Variants in CLYBL observed in about 807,000 individuals in gnomAD.
The protein encoded by CLYBL is citramalyl-CoA lyase.
Under a neutral mutation model 38.9 loss-of-function variants are expected in CLYBL, and 31 were observed. The ratio of observed to expected loss-of-function variants is 0.80; its 90% CI spans 0.60 to 1.08. The LOEUF (loss-of-function observed/expected upper bound fraction) is 1.08, where lower values mean the gene tolerates loss of function less well. CLYBL is among the 50% of genes least tolerant of loss of function. The probability of loss-of-function intolerance (pLI) is 0.00; values close to 1 mark genes in which losing one functional copy is unlikely to be tolerated. For missense variants in CLYBL, 434 were observed against 411.6 expected, an observed-to-expected ratio of 1.05 and a Z score of -0.47; for synonymous variants, 171 against 158.6, an observed-to-expected ratio of 1.08 and a Z score of -0.59.
intron 1 of CLYBL, among the ~76,000 whole-genome samples, chr13:99,711,976 A>G (rs1166429612): frequency 6.6e-6 from 1 of 152,044 alleles, no homozygotes; most frequent in Non-Finnish European, 1.5e-5. Context: ...TGGCCTCCCA[A>G]AGTGCTGGGA....
chr13:99,734,023 T>A (rs1003991238), intron 1 of CLYBL, among the ~76,000 whole-genome samples: 2 of 152,234 alleles, frequency 1.3e-5, no homozygotes, highest in Non-Finnish European at 2.9e-5. Context: ...TTAAAATCTT[T>A]TCTTGTTCCA....
At chr13:99,824,257 G>GCCACCCCCCCCCC (rs2050646417) in intron 2 of CLYBL, among the ~76,000 whole-genome samples, 1 of 130,414 alleles carries the variant, frequency 7.7e-6, no homozygotes, top group African/African-American at 2.9e-5. Flanking sequence ...CTGACTAATA[G>GCCACCCCCCCCCC]CCCCCCCCAC....
chr13:99,646,510 CTTTT>C (rs140419884), intron 1 of CLYBL, among the ~76,000 whole-genome samples: 3 of 109,236 alleles, frequency 2.7e-5, no homozygotes, highest in African/African-American at 7.5e-5. Context: ...TTACAGAAAT[CTTTT>C]TTTTTTTTTT....
chr13:99,729,869 G>A (rs530623239), intron 1 of CLYBL, among the ~76,000 whole-genome samples: 29 of 151,428 alleles, frequency 1.9e-4, no homozygotes, highest in African/African-American at 6.5e-4. Flanking sequence ...CGCCAGCCTC[G>A]GCACCGCTTC....
At chr13:99,679,150 C>T (rs61974388) in intron 1 of CLYBL, among the ~76,000 whole-genome samples, 3,464 of 151,696 alleles carry the variant, frequency 0.023, 63 homozygotes, top group Middle Eastern at 0.086. Context: ...AAAAATTAGC[C>T]GGGTGTGGTG....
At chr13:99,906,211 AAATAAAATAAAC>A (rs2052695862) in intron 9 of CLYBL, among the ~76,000 whole-genome samples, 1 of 152,222 alleles carries the variant, frequency 6.6e-6, no homozygotes, top group Admixed American at 6.5e-5. Flanking sequence ...GATCATCAAG[AAATAAAATAAAC>A]AATAAAATAA....
chr13:99,844,170 G>A (rs988838437), intron 2 of CLYBL, among the ~76,000 whole-genome samples: 1 of 152,160 alleles, frequency 6.6e-6, no homozygotes, highest in Non-Finnish European at 1.5e-5. Flanking sequence ...ACCGACCCTC[G>A]AGGGTGTAAG....
intron 2 of CLYBL, among the ~76,000 whole-genome samples, chr13:99,825,832 C>T (rs957196172): frequency 6.6e-6 from 1 of 152,190 alleles, no homozygotes; most frequent in Non-Finnish European, 1.5e-5. Context: ...TGGTAGAACC[C>T]GAATAGACAT....
intron 1 of CLYBL, among the ~76,000 whole-genome samples, chr13:99,720,660 C>G (rs2048379632): frequency 6.6e-6 from 1 of 152,192 alleles, no homozygotes; most frequent in African/African-American, 2.4e-5. Context: ...GCTATATTCT[C>G]TCAATACTTT....
intron 1 of CLYBL, among the ~76,000 whole-genome samples, chr13:99,756,411 G>C (rs933279209): frequency 6.6e-6 from 1 of 152,162 alleles, no homozygotes; most frequent in Non-Finnish European, 1.5e-5. Flanking sequence ...CTTTCTGGTA[G>C]CTTTGAAGAA....
chr13:99,833,001 TAC>T (rs1348786321), intron 2 of CLYBL, among the ~76,000 whole-genome samples: 679 of 57,946 alleles, frequency 0.012, 62 homozygotes, highest in East Asian at 0.028. Flanking sequence ...TATACATACA[TAC>T]ATACATATAT....
rs1469655420 is a variant in CLYBL, at chr13:99,729,565, G to A, written c.63-43259G>A. ...TGTAAATGGGAGGCGGGAAAGTGAG[G>A]CCGGAGACTCATCATCACTGCTCTC... On this transcript the variant is annotated intron_variant, in intron 1 of 8. Transcript: ENST00000339105. Among the ~76,000 whole-genome samples, 4 of 152,286 alleles carry A rather than the reference G, an allele frequency of 2.6e-5. No individual in the cohort carries two copies. In the East Asian group the frequency reaches 7.7e-4, roughly 29 times the overall value.
intron 1 of CLYBL, among the ~76,000 whole-genome samples, chr13:99,746,755 AG>A (rs2048858542): frequency 6.6e-6 from 1 of 152,232 alleles, no homozygotes; most frequent in African/African-American, 2.4e-5. Flanking sequence ...TGCACTTGAC[AG>A]GTGCTATACC....
At chr13:99,756,206 A>T (rs2049060003) in intron 1 of CLYBL, among the ~76,000 whole-genome samples, 1 of 152,232 alleles carries the variant, frequency 6.6e-6, no homozygotes, top group Non-Finnish European at 1.5e-5. Flanking sequence ...ACTTCTGCTC[A>T]TCTCAAAATT....
At chr13:99,723,549 T>C (rs1269421688) in intron 1 of CLYBL, among the ~76,000 whole-genome samples, 1 of 152,220 alleles carries the variant, frequency 6.6e-6, no homozygotes, top group Non-Finnish European at 1.5e-5. Context: ...AATAGGGCTG[T>C]AATCGTAATG....
chr13:99,634,109 C>T (rs2046986983), intron 1 of CLYBL, among the ~76,000 whole-genome samples: 1 of 152,044 alleles, frequency 6.6e-6, no homozygotes, highest in South Asian at 2.1e-4. Context: ...ATAAGAAAGT[C>T]CTGAAAGCTG....
intron 1 of CLYBL, among the ~76,000 whole-genome samples, chr13:99,655,996 G>C (rs1021646727): frequency 1.3e-5 from 2 of 152,202 alleles, no homozygotes; most frequent in Non-Finnish European, 1.5e-5. Flanking sequence ...CTTGGAGCCA[G>C]CCCTTTTAAG....
At chr13:99,688,646 C>G (rs961489605) in intron 1 of CLYBL, among the ~76,000 whole-genome samples, 4 of 149,594 alleles carry the variant, frequency 2.7e-5, no homozygotes, top group African/African-American at 9.9e-5. Context: ...TTAAGAATAA[C>G]AAGTGAACTG....
intron 2 of CLYBL, among the ~76,000 whole-genome samples, chr13:99,794,151 T>C (rs1267226112): frequency 6.6e-6 from 1 of 152,228 alleles, no homozygotes; most frequent in Admixed American, 6.5e-5. Context: ...CCAGGCGCCG[T>C]GGCTCATGCC....
Sources: allele counts gnomAD v4.1 joint callset (sites outside exome capture counted in the v4.1 genomes callset), GRCh38; gene constraint gnomAD v4.1.1; transcripts MANE v1.5; gene names NCBI Gene and HGNC (gene_info 2026-07-23, HGNC 2026-07-21).